The following ADGB variants were observed in gnomAD, a reference collection of about 807,000 sequenced individuals.
The protein encoded by ADGB is calpain-7-like protein.
A neutral mutation model predicts 210.5 loss-of-function variants in ADGB; 172 were observed. The ratio of observed to expected loss-of-function variants is 0.82; its 90% CI spans 0.72 to 0.93. The LOEUF (loss-of-function observed/expected upper bound fraction) is 0.93. ADGB is among the 40% of genes least tolerant of loss of function. The pLI is 0.00. For missense variants in ADGB, 2,025 were observed against 1,964.8 expected, an observed-to-expected ratio of 1.03 and a Z score of -0.58; for synonymous variants, 658 against 662.7, an observed-to-expected ratio of 0.99 and a Z score of 0.11.
At position 146,779,751 on chromosome 6, in the gene ADGB, G is replaced by GA. The variant is rs561225836; in HGVS notation, c.3863-2260dup. Among the ~76,000 whole-genome samples, 85 of 143,686 alleles carry GA rather than the reference G, an allele frequency of 5.9e-4. 1 individual carries two copies. Among genetic ancestry groups the GA allele is most frequent in the Non-Finnish European group, 7.8e-4 (51 of 65,444 alleles). 94.3% of individuals were successfully genotyped at this position (143,686 alleles called of 152,430 possible). ...ATAAAGGAGAAATTAAGATATCCCA[G>GA]AAAAAAAAACAACTGAAAATATTTT... On this transcript the variant is annotated intron_variant, in intron 29 of 35. Transcript: ENST00000397944.
At chr6:146,733,314 A>C (rs3761782) in intron 21 of ADGB, 59 bp downstream of exon 21, 351,701 of 1,390,288 alleles carry the variant, frequency 0.25, 47,141 homozygotes, top group Non-Finnish European at 0.28. Flanking sequence ...AAGGTAAATA[A>C]TTTAAGAAAT....
intron 16 of ADGB, among the ~76,000 whole-genome samples, chr6:146,718,346 C>CAAAA (rs34547633): frequency 3.7e-5 from 3 of 80,168 alleles, no homozygotes; most frequent in Non-Finnish European, 7.1e-5. Flanking sequence ...GATTCCATCT[C>CAAAA]AAAAAAAAAA....
At chr6:146,703,042 T>G (rs796181236) in intron 13 of ADGB, among the ~76,000 whole-genome samples, 6 of 152,052 alleles carry the variant, frequency 3.9e-5, no homozygotes, top group African/African-American at 1.4e-4. Context: ...TTATTGTGAC[T>G]GAACAGCTTT....
chr6:146,810,056 C>T (rs1036932004), intron 35 of ADGB, among the ~76,000 whole-genome samples: 1 of 152,084 alleles, frequency 6.6e-6, no homozygotes, highest in African/African-American at 2.4e-5. Flanking sequence ...AACTGTATAT[C>T]TGGCAAGGGG....
rs1419780302 is a variant in ADGB, at chr6:146,764,062, A to G, written c.3712A>G (p.Thr1238Ala). 1.9e-6 allele frequency: 3 copies of G among 1,551,320 alleles called. No homozygotes were observed. The highest frequency in any genetic ancestry group is 2.6e-6 in the Non-Finnish European group (3 of 1,146,760). ...LPLVEEETTS[T>A]PTREDSSSTP... ...CCTTGTGGAGGAGGAAACTACCAGTACACCCACTAGAGAAGACAGTTCCAG... is the reference window on the plus strand; with the variant it reads ...CCTTGTGGAGGAGGAAACTACCAGTGCACCCACTAGAGAAGACAGTTCCAG... Residue 1238 changes from threonine to alanine, a missense_variant, in exon 28 of 36, where the codon ACA (threonine) becomes GCA (alanine). By Grantham distance (58) the Thr-to-Ala change is moderately conservative (BLOSUM62 0). Coordinates refer to ENST00000397944, the MANE Select transcript of ADGB (RefSeq NM_024694.4).
chr6:146,803,750 C>T, intron 35 of ADGB: 2 of 750,720 alleles, frequency 2.7e-6, no homozygotes, highest in Non-Finnish European at 4.4e-6. Context: ...CGCGGCGCCT[C>T]AGCCCAGCCT....
At chr6:146,779,881 A>G (rs1010798674) in intron 29 of ADGB, among the ~76,000 whole-genome samples, 7 of 150,250 alleles carry the variant, frequency 4.7e-5, no homozygotes, top group East Asian at 1.9e-4. Flanking sequence ...AAAAGACACT[A>G]GGCAGTAACT....
intron 5 of ADGB, among the ~76,000 whole-genome samples, chr6:146,663,996 G>A (rs1775902832): frequency 6.6e-6 from 1 of 152,062 alleles, no homozygotes; most frequent in Admixed American, 6.6e-5. Flanking sequence ...ATAGACATGG[G>A]TGAGCTGTGA....
In ADGB at chr6:146,785,658, T is replaced by G. The variant is rs561295516; in HGVS notation, c.4261T>G (p.Ser1421Ala). The change falls in exon 32 of 36, where the codon TCT (serine) becomes GCT (alanine). Residue 1421 changes from serine to alanine, a missense_variant. Ser to Ala is a moderately conservative substitution (Grantham distance 99). Transcript: ENST00000397944. Reference sequence around the variant, plus strand: ...CCTTAGCGGGTTCATTAAGAAAACATCTGATGCTGAGAGTCCGCCTATATC... The same window carrying G: ...CCTTAGCGGGTTCATTAAGAAAACAGCTGATGCTGAGAGTCCGCCTATATC... ...HYLSGFIKKT[S>A]DAESPPISES... 5.2e-6 allele frequency: 8 copies of G among 1,551,236 alleles called. No individual in the cohort carries two copies. In the South Asian group the frequency reaches 9.5e-5, roughly 18 times the overall value.
At chr6:146,602,471 C>G (rs780416253) in intron 1 of ADGB, among the ~76,000 whole-genome samples, 3 of 152,176 alleles carry the variant, frequency 2.0e-5, no homozygotes, top group Non-Finnish European at 2.9e-5. Context: ...CGTAAGATAA[C>G]TTTAACATAA....
At chr6:146,679,407 A>T (rs4896882) in intron 9 of ADGB, among the ~76,000 whole-genome samples, 118,030 of 152,178 alleles carry the variant, frequency 0.78, 46,674 homozygotes, top group African/African-American at 0.93. Context: ...TACACCCATA[A>T]GTATCCATTC....
At chr6:146,746,146 A>C (rs765470466) in intron 26 of ADGB, 37 bp downstream of exon 26, 151 of 1,349,970 alleles carry the variant, frequency 1.1e-4, no homozygotes, top group Non-Finnish European at 1.5e-4. Flanking sequence ...GGCATTTTTT[A>C]AAAAATATTA....
At chr6:146,714,075 T>A (rs1776696783) in intron 13 of ADGB, among the ~76,000 whole-genome samples, 2 of 152,226 alleles carry the variant, frequency 1.3e-5, no homozygotes, top group African/African-American at 2.4e-5. Context: ...GTTTCTGTTT[T>A]CTATGAATCT....
chr6:146,653,013 C>T (rs6903227), intron 3 of ADGB, among the ~76,000 whole-genome samples: 2,057 of 152,262 alleles, frequency 0.014, 49 homozygotes, highest in African/African-American at 0.046. Context: ...TACTCACAGA[C>T]GCTCCACATC....
At chr6:146,710,385 G>A (rs559334033) in intron 13 of ADGB, among the ~76,000 whole-genome samples, 87 of 151,970 alleles carry the variant, frequency 5.7e-4, no homozygotes, top group African/African-American at 1.2e-3. Context: ...ACTTTCAAAC[G>A]TTATAATAAA....
intron 27 of ADGB, among the ~76,000 whole-genome samples, chr6:146,760,391 C>T (rs888924020): frequency 6.6e-6 from 1 of 151,736 alleles, no homozygotes; most frequent in African/African-American, 2.4e-5. Flanking sequence ...TTTTGCTCAG[C>T]ATAATGTTTT....
At chr6:146,645,898 T>C (rs1303370360) in intron 3 of ADGB, among the ~76,000 whole-genome samples, 2 of 152,032 alleles carry the variant, frequency 1.3e-5, no homozygotes, top group East Asian at 3.9e-4. Context: ...AAGTTACTTA[T>C]AGTAACTTAA....
chr6:146,815,197 AAG>A lies in ADGB; in HGVS notation c.4986_4987del (p.Lys1663ArgfsTer23), dbSNP rs746345664. ...CCCAGCTCCTGACACACAGAAAAAA[AAG>A]AAAGGAAAGAAAAAGTAACCAGGGG... The part of the protein sequence containing the change: ...MTPAPDTQKK[K>X]KGKKK On this transcript the variant is annotated frameshift_variant, in exon 36 of 36. Transcript: ENST00000397944. LOFTEE classifies it high-confidence loss of function. 1 of 1,505,592 alleles carries A rather than the reference AAG, an allele frequency of 6.6e-7. No homozygotes were observed. The highest frequency in any genetic ancestry group is 1.3e-5 in the South Asian group (1 of 74,980). 93.3% of individuals were successfully genotyped at this position (1,505,592 alleles called of 1,614,324 possible). A position where few individuals can be genotyped will look rare whatever the true frequency, so the allele number is the denominator to read the frequency against.
chr6:146,610,393 A>C (rs1335185490), intron 1 of ADGB, among the ~76,000 whole-genome samples: 1 of 152,146 alleles, frequency 6.6e-6, no homozygotes, highest in Non-Finnish European at 1.5e-5. Context: ...TAGTATGGTC[A>C]TTTGGAGGTA....
Sources: allele counts gnomAD v4.1 joint callset (sites outside exome capture counted in the v4.1 genomes callset), GRCh38; gene constraint gnomAD v4.1.1; transcripts MANE v1.5; gene names NCBI Gene and HGNC (gene_info 2026-07-23, HGNC 2026-07-21).